The following CAMK2D variants were observed in gnomAD, a reference collection of about 807,000 sequenced individuals.
CAMK2D encodes calcium/calmodulin dependent protein kinase II delta.
A neutral mutation model predicts 84.0 loss-of-function variants in CAMK2D; 37 were observed. That is an observed-to-expected ratio of 0.44 (90% CI 0.34 to 0.58). The LOEUF (loss-of-function observed/expected upper bound fraction) is 0.58. CAMK2D is among the 20% of genes least tolerant of loss of function. The probability of loss-of-function intolerance (pLI) is 0.02; values close to 1 mark genes in which losing one functional copy is unlikely to be tolerated. For missense variants in CAMK2D, 448 were observed against 652.5 expected (o/e 0.69, Z 3.41); for synonymous variants, 202 against 212.5 (o/e 0.95, Z 0.43).
At position 113,761,258 on chromosome 4, in the gene CAMK2D, GCGTGGGGT is replaced by G; in HGVS notation, c.-198_-191del. ...GGAGGGGAGATGACCAGAAAGGGTG[GCGTGGGGT>G]CTCCTCCCCACAGTCCGCCGATCCT... On this transcript the variant is annotated 5_prime_UTR_variant, in exon 1 of 21. Transcript: ENST00000511664. 2 of 1,457,724 alleles carry G rather than the reference GCGTGGGGT, an allele frequency of 1.4e-6. No individual in the cohort carries two copies. The highest frequency in any genetic ancestry group is 1.8e-6 in the Non-Finnish European group (2 of 1,107,404). The allele number at this position is 1,457,724 out of a possible 1,614,324, so 90.3% of individuals were successfully genotyped here. A position where few individuals can be genotyped will look rare whatever the true frequency, so the allele number is the denominator to read the frequency against.
chr4:113,500,580 C>A, intron 15 of CAMK2D, 69 bp from the exon 16 acceptor site: 1 of 1,015,436 alleles, frequency 9.8e-7, no homozygotes, highest in Non-Finnish European at 1.5e-6. Flanking sequence ...TAAAAATTGG[C>A]TAGTGACATA....
intron 3 of CAMK2D, among the ~76,000 whole-genome samples, chr4:113,659,925 G>T (rs980731877): frequency 6.6e-6 from 1 of 152,056 alleles, no homozygotes; most frequent in Non-Finnish European, 1.5e-5. Context: ...GTGAGTGAAT[G>T]ATATAGGTGA....
At chr4:113,661,293 G>A (rs112728379) in intron 3 of CAMK2D, among the ~76,000 whole-genome samples, 2,050 of 151,526 alleles carry the variant, frequency 0.014, 42 homozygotes, top group African/African-American at 0.047. Context: ...TTCATTATAC[G>A]ACTCTACAGA....
intron 6 of CAMK2D, among the ~76,000 whole-genome samples, chr4:113,544,740 T>G (rs542717188): frequency 2.6e-5 from 4 of 152,286 alleles, no homozygotes; most frequent in African/African-American, 9.6e-5. Flanking sequence ...CTGTACTGTT[T>G]ATCACCACCA....
chr4:113,476,174 T>G (rs1380745644), intron 16 of CAMK2D, among the ~76,000 whole-genome samples: 3 of 152,224 alleles, frequency 2.0e-5, no homozygotes, highest in Non-Finnish European at 4.4e-5. Context: ...ACGTAATATG[T>G]GTGCCTATAT....
chr4:113,599,652 A>G (rs2098943308), intron 4 of CAMK2D, among the ~76,000 whole-genome samples: 1 of 152,198 alleles, frequency 6.6e-6, no homozygotes, highest in Non-Finnish European at 1.5e-5. Context: ...TTTAACTACT[A>G]ATAGCCTACT....
intron 19 of CAMK2D, 26 bp downstream of exon 19, chr4:113,457,309 G>T (rs771548594): frequency 1.1e-5 from 18 of 1,612,258 alleles, no homozygotes. Flanking sequence ...TATTAACAAA[G>T]AAGCTGACAG....
chr4:113,750,763 G>A (rs1247820144), intron 2 of CAMK2D, among the ~76,000 whole-genome samples: 2 of 152,110 alleles, frequency 1.3e-5, no homozygotes, highest in African/African-American at 4.8e-5. Flanking sequence ...GTAATCCCAG[G>A]ACTTTCAGAG....
Position 113,697,713 on chromosome 4 carries a change from A to G in CAMK2D, c.161-35941T>C, listed in dbSNP as rs183633859. Among the ~76,000 whole-genome samples the G allele has an allele frequency of 5.0e-4, 76 of 152,184 alleles. 1 individual carries two copies. The highest frequency in any genetic ancestry group is 8.4e-4 in the Non-Finnish European group (57 of 67,978). On this transcript the variant is annotated intron_variant, in intron 2 of 20. Coordinates refer to ENST00000511664, the MANE Select transcript of CAMK2D (RefSeq NM_001321571.2). ...ACTCATATAATACCTGTTTTAAGAT[A>G]CCTAAAAAAAATTCCAAAGCATAGA...
intron 16 of CAMK2D, among the ~76,000 whole-genome samples, chr4:113,486,049 C>G (rs1402730433): frequency 6.6e-6 from 1 of 152,070 alleles, no homozygotes; most frequent in South Asian, 2.1e-4. Flanking sequence ...TGAATGAACT[C>G]TCTCAGATTA....
At position 113,522,690 on chromosome 4, in the gene CAMK2D, A is replaced by G. The variant is rs548608838; in HGVS notation, c.602-5033T>C. 5.9e-5 allele frequency among the ~76,000 whole-genome samples: 9 copies of G among 152,310 alleles called. No individual in the cohort carries two copies. In the South Asian group the frequency reaches 1.9e-3, roughly 32 times the overall value. On this transcript the variant is annotated intron_variant, in intron 8 of 20. Transcript: ENST00000511664. ...TGTGTCTGACAGGTACAATTACTAT[A>G]AAAGAGCAAAAGCATTGCATCACCT...
chr4:113,575,780 A>C (rs2154233626), intron 4 of CAMK2D, among the ~76,000 whole-genome samples: 1 of 152,260 alleles, frequency 6.6e-6, no homozygotes, highest in Non-Finnish European at 1.5e-5. Flanking sequence ...AACCTGTTAA[A>C]ATGCATGAAA....
intron 2 of CAMK2D, among the ~76,000 whole-genome samples, chr4:113,721,300 T>C (rs541349711): frequency 6.6e-6 from 1 of 152,252 alleles, no homozygotes; most frequent in African/African-American, 2.4e-5. Context: ...ATTCAAGAAA[T>C]AGCAAATAAA....
chr4:113,572,326 G>A (rs2098757420), intron 4 of CAMK2D, among the ~76,000 whole-genome samples: 1 of 151,934 alleles, frequency 6.6e-6, no homozygotes, highest in Non-Finnish European at 1.5e-5. Flanking sequence ...AAAGCCCTCT[G>A]AGACTATTTA....
chr4:113,508,163 C>A, intron 13 of CAMK2D: 2 of 1,078,426 alleles, frequency 1.9e-6, no homozygotes, highest in Non-Finnish European at 1.4e-6. Flanking sequence ...CTTACACTAT[C>A]TTAGGTAAAT....
intron 8 of CAMK2D, among the ~76,000 whole-genome samples, chr4:113,519,140 C>A (rs1279723870): frequency 6.6e-6 from 1 of 152,096 alleles, no homozygotes; most frequent in African/African-American, 2.4e-5. Context: ...TAGCCCTCAG[C>A]TATATAAGGT....
chr4:113,521,669 A>G (rs2098361095), intron 8 of CAMK2D, among the ~76,000 whole-genome samples: 1 of 152,186 alleles, frequency 6.6e-6, no homozygotes, highest in Non-Finnish European at 1.5e-5. Context: ...TTATGACAGG[A>G]GAGGATAAAT....
chr4:113,507,425 T>TTTG (rs2098142650), intron 13 of CAMK2D, among the ~76,000 whole-genome samples: 1 of 127,562 alleles, frequency 7.8e-6, no homozygotes, highest in Non-Finnish European at 1.8e-5. Flanking sequence ...AATTTCTGTT[T>TTTG]TTTGTTTGTT....
intron 2 of CAMK2D, among the ~76,000 whole-genome samples, chr4:113,666,586 CA>C (rs1305169055): frequency 6.6e-6 from 1 of 151,952 alleles, no homozygotes; most frequent in African/African-American, 2.4e-5. Flanking sequence ...CATGCATGCA[CA>C]CACACGCACG....
Sources: gnomAD v4.1 joint callset for allele counts (sites outside exome capture counted in the v4.1 genomes callset) on GRCh38, gnomAD v4.1.1 for gene constraint, MANE v1.5 for transcripts, NCBI Gene and HGNC (gene_info 2026-07-23, HGNC 2026-07-21) for gene names.